Variants in CFAP91 observed in about 807,000 individuals in gnomAD.
CFAP91 encodes the protein cilia and flagella associated protein 91.
In CFAP91, 85 loss-of-function variants were observed where a neutral mutation model predicts 95.9. That is an observed-to-expected ratio of 0.89 (90% CI 0.74 to 1.06). The LOEUF (loss-of-function observed/expected upper bound fraction) is 1.06. CFAP91 is among the 50% of genes least tolerant of loss of function. The pLI, the probability that CFAP91 is intolerant of heterozygous loss-of-function variation, is 0.00. For synonymous variants in CFAP91, 335 were observed against 327.5 expected (o/e 1.02, Z -0.25); for missense variants, 962 against 943.4 (o/e 1.02, Z -0.26).
intron 12 of CFAP91, 73 bp downstream of exon 12, chr3:119,739,399 T>C: frequency 7.4e-7 from 1 of 1,349,672 alleles, no homozygotes; most frequent in Admixed American, 1.7e-5. Flanking sequence ...ATGTGCTTGG[T>C]TCCTTGGAGT....
Position 119,730,601 on chromosome 3 carries a change from A to T in CFAP91, c.1018+224A>T, listed in dbSNP as rs555903887. ...TAACAGGTAGTCGAGTTACTGAGATAGTGTGTGTGTGTGTGTGTGTGTGTG... is the reference window on the plus strand; with the variant it reads ...TAACAGGTAGTCGAGTTACTGAGATTGTGTGTGTGTGTGTGTGTGTGTGTG... On this transcript the variant is annotated intron_variant, in intron 8 of 17. Coordinates refer to ENST00000273390, the MANE Select transcript of CFAP91 (RefSeq NM_033364.4). Among the ~76,000 whole-genome samples, 36 of 137,202 alleles carry T rather than the reference A, an allele frequency of 2.6e-4. No homozygotes were observed. In the East Asian group the frequency reaches 5.8e-3, roughly 22 times the overall value. 90.0% of individuals were successfully genotyped at this position (137,202 alleles called of 152,430 possible).
intron 7 of CFAP91, among the ~76,000 whole-genome samples, chr3:119,728,537 G>A (rs2053829828): frequency 6.6e-6 from 1 of 152,212 alleles, no homozygotes; most frequent in Non-Finnish European, 1.5e-5. Context: ...GTGGTGACAT[G>A]GAAAATTGAA....
At chr3:119,757,735 C>G (rs1325175873) in intron 17 of CFAP91, among the ~76,000 whole-genome samples, 1 of 151,968 alleles carries the variant, frequency 6.6e-6, no homozygotes, top group African/African-American at 2.4e-5. Context: ...GAATATTACG[C>G]CCAACAACTA....
rs1479451725 is a variant in CFAP91 at position 119,766,577 on chromosome 3, G to A, written c.*1527G>A. 6.6e-6 allele frequency: 1 copy of A among 152,002 alleles called. No homozygotes were observed. Among genetic ancestry groups the A allele is most frequent in the African/African-American group, 2.4e-5 (1 of 41,350 alleles). 9.4% of individuals were successfully genotyped at this position (152,002 alleles called of 1,614,324 possible). Reference sequence around the variant, plus strand: ...TTAGGTTGGGCTGATGGGATAGAAGGTGGGAGGGGAATGCTATACAGCTGG... The same window carrying A: ...TTAGGTTGGGCTGATGGGATAGAAGATGGGAGGGGAATGCTATACAGCTGG... On this transcript the variant is annotated 3_prime_UTR_variant, in exon 18 of 18. Coordinates refer to ENST00000273390, the MANE Select transcript of CFAP91 (RefSeq NM_033364.4).
chr3:119,703,557 C>T (rs983122782), intron 1 of CFAP91, among the ~76,000 whole-genome samples: 1 of 152,226 alleles, frequency 6.6e-6, no homozygotes, highest in African/African-American at 2.4e-5. Flanking sequence ...GCATAAAATG[C>T]CCTACAAAAA....
chr3:119,709,885 G>A lies in CFAP91; in HGVS notation c.490G>A (p.Ala164Thr). ...FQQMPFNVVY[A>T]VSKAEPYTFP... ...GCAGATGCCATTCAATGTTGTTTAT[G>A]CCGTATCCAAGTAAGTAACCATTAT... The change falls in exon 5 of 18, where the codon GCC becomes ACC. Residue 164 changes from alanine to threonine, a missense_variant. By Grantham distance (58) the Ala-to-Thr change is moderately conservative. Coordinates refer to ENST00000273390, the MANE Select transcript of CFAP91 (RefSeq NM_033364.4). The A allele has an allele frequency of 6.2e-7, 1 of 1,610,038 alleles. No individual in the cohort carries two copies. Among genetic ancestry groups the A allele is most frequent in the Non-Finnish European group, 8.5e-7 (1 of 1,176,570 alleles).
intron 17 of CFAP91, among the ~76,000 whole-genome samples, chr3:119,763,002 CA>C (rs2054565915): frequency 6.6e-6 from 1 of 151,672 alleles, no homozygotes; most frequent in Non-Finnish European, 1.5e-5. Flanking sequence ...TTCAGCACAG[CA>C]AAAAACAATA....
intron 17 of CFAP91, among the ~76,000 whole-genome samples, chr3:119,756,943 A>C (rs560408960): frequency 6.6e-6 from 1 of 152,320 alleles, no homozygotes; most frequent in South Asian, 2.1e-4. Flanking sequence ...AAATATTCCA[A>C]GTAAAGTCAG....
At chr3:119,747,290 A>G (rs2054239918) in intron 15 of CFAP91, 27 bp downstream of exon 15, 1 of 1,600,958 alleles carries the variant, frequency 6.2e-7, no homozygotes, top group South Asian at 1.1e-5. Flanking sequence ...CAGATTGTAG[A>G]ATGGACAGCC....
intron 6 of CFAP91, among the ~76,000 whole-genome samples, chr3:119,722,965 T>A (rs1033184462): frequency 2.6e-5 from 4 of 152,220 alleles, no homozygotes; most frequent in Admixed American, 2.6e-4. Flanking sequence ...CTTGAATAGA[T>A]AAGACTTCTC....
chr3:119,745,053 A>G (rs1166426074), intron 14 of CFAP91, among the ~76,000 whole-genome samples: 1 of 152,226 alleles, frequency 6.6e-6, no homozygotes, highest in Non-Finnish European at 1.5e-5. Context: ...CTAAATGGGA[A>G]TGATGTCAGA....
chr3:119,766,695 C>T lies in CFAP91; in HGVS notation c.*1645C>T, dbSNP rs899757525. ...ATCATAACTGCATACTCAACTCTGC[C>T]GTTGTAGGGTAAGAGCAGCACTCGA... On this transcript the variant is annotated 3_prime_UTR_variant, in exon 18 of 18. Transcript: ENST00000273390. The T allele has an allele frequency of 1.3e-5, 2 of 151,900 alleles. No homozygotes were observed. Among genetic ancestry groups the T allele is most frequent in the South Asian group, 2.1e-4 (1 of 4,794 alleles). The allele number at this position is 151,900 out of a possible 1,614,324, so 9.4% of individuals were successfully genotyped here.
chr3:119,742,292 G>A (rs1227031095), intron 13 of CFAP91, among the ~76,000 whole-genome samples: 1 of 152,130 alleles, frequency 6.6e-6, no homozygotes, highest in African/African-American at 2.4e-5. Flanking sequence ...GGGATCTGAG[G>A]GAGTGAGCAC....
rs764049216 is a variant in CFAP91, at chr3:119,730,358, T to C, written c.999T>C (p.Ile333=). 1.4e-5 allele frequency: 23 copies of C among 1,613,926 alleles called. No individual in the cohort carries two copies. Among genetic ancestry groups the C allele is most frequent in the Non-Finnish European group, 1.9e-5 (22 of 1,179,996 alleles). ...GAAAAGAGGCAAAAATGGCAAAAAT[T>C]CAGCGCACGCATGTATCAAGTAATG... is the stretch of plus-strand genomic sequence containing the variant. The part of the protein sequence containing the change: ...QEGKEAKMAK[I]QRTHVSTIRK... The change falls in exon 8 of 18, where the codon ATT becomes ATC. Residue 333 remains isoleucine (I), a synonymous_variant. Transcript: ENST00000273390.
In CFAP91 at chr3:119,708,149, C is replaced by A. The variant is rs183231920; in HGVS notation, c.360-442C>A. Among the ~76,000 whole-genome samples, 1,227 of 151,312 alleles carry A rather than the reference C, an allele frequency of 8.1e-3. 25 individuals carry two copies. The highest frequency in any genetic ancestry group is 0.028 in the African/African-American group (1,145 of 41,178). On this transcript the variant is annotated intron_variant, in intron 3 of 17. Coordinates refer to ENST00000273390, the MANE Select transcript of CFAP91 (RefSeq NM_033364.4). ...ACAAAAAGTTAGCCGGGTGTGGTGGCAGGTGCCTGTAGTCCCAGCTACTTG... is the reference window on the plus strand; with the variant it reads ...ACAAAAAGTTAGCCGGGTGTGGTGGAAGGTGCCTGTAGTCCCAGCTACTTG...
chr3:119,753,586 G>A (rs1179163001), intron 17 of CFAP91, among the ~76,000 whole-genome samples: 1 of 152,170 alleles, frequency 6.6e-6, no homozygotes, highest in Non-Finnish European at 1.5e-5. Context: ...AGACATGACA[G>A]TCTGAACAAG....
At chr3:119,746,835 G>A (rs1410821870) in intron 14 of CFAP91, among the ~76,000 whole-genome samples, 2 of 152,168 alleles carry the variant, frequency 1.3e-5, no homozygotes, top group African/African-American at 4.8e-5. Context: ...TATTGACTCT[G>A]AAGCCCATAA....
intron 17 of CFAP91, among the ~76,000 whole-genome samples, chr3:119,757,874 A>G (rs1223864462): frequency 6.6e-6 from 1 of 152,128 alleles, no homozygotes; most frequent in Non-Finnish European, 1.5e-5. Context: ...ATTTTCCCAT[A>G]TAATGTTAGC....
chr3:119,717,771 A>G (rs1190004877), intron 6 of CFAP91, among the ~76,000 whole-genome samples: 1 of 152,084 alleles, frequency 6.6e-6, no homozygotes, highest in African/African-American at 2.4e-5. Flanking sequence ...CAATGTTCAC[A>G]CATCCCTACG....
Sources: allele counts gnomAD v4.1 joint callset (sites outside exome capture counted in the v4.1 genomes callset), GRCh38; gene constraint gnomAD v4.1.1; transcripts MANE v1.5; gene names NCBI Gene and HGNC (gene_info 2026-07-23, HGNC 2026-07-21).